Variants in FBXL20 observed in about 807,000 individuals in gnomAD.
The protein encoded by FBXL20 is F-box and leucine rich repeat protein 20, also known as F-box/LRR-repeat protein 20.
A neutral mutation model predicts 64.0 loss-of-function variants in FBXL20; 11 were observed. The ratio of observed to expected loss-of-function variants is 0.17; its 90% CI spans 0.11 to 0.28. The LOEUF is 0.28. Among genes scored for constraint, FBXL20 ranks in the 10% least tolerant of loss-of-function variants. The pLI, the probability that FBXL20 is intolerant of heterozygous loss-of-function variation, is 1.00. For synonymous variants in FBXL20, 184 were observed against 189.0 expected, an observed-to-expected ratio of 0.97 and a Z score of 0.22; for missense variants, 303 against 526.2, an observed-to-expected ratio of 0.58 and a Z score of 4.15.
intron 2 of FBXL20, among the ~76,000 whole-genome samples, chr17:39,324,023 C>CCA (rs2047384636): frequency 1.4e-5 from 2 of 139,026 alleles, no homozygotes; most frequent in African/African-American, 3.0e-5. Context: ...CTCCCCCCCC[C>CCA]ACCCCCTGGC....
chr17:39,308,029 T>A (rs2047198518), intron 2 of FBXL20, among the ~76,000 whole-genome samples: 1 of 150,804 alleles, frequency 6.6e-6, no homozygotes. Flanking sequence ...ATTTCAACTG[T>A]ATTCTAAGTC....
intron 1 of FBXL20, among the ~76,000 whole-genome samples, chr17:39,363,360 T>TAAACA (rs2047818805): frequency 1.3e-5 from 2 of 151,872 alleles, no homozygotes; most frequent in African/African-American, 4.8e-5. Context: ...CTCCCTATGT[T>TAAACA]GCCCAGGCTG....
chr17:39,273,952 C>T (rs1262285096), intron 10 of FBXL20, among the ~76,000 whole-genome samples: 1 of 152,042 alleles, frequency 6.6e-6, no homozygotes, highest in African/African-American at 2.4e-5. Context: ...TAGCTCACTG[C>T]TGTCTTGACC....
rs536760539 is a variant in FBXL20 at position 39,359,060 on chromosome 17, G to A, written c.43-15819C>T. On this transcript the variant is annotated intron_variant, in intron 1 of 14. Coordinates refer to ENST00000264658, the MANE Select transcript of FBXL20 (RefSeq NM_032875.3). ...TCTAAAACAAAAAATCTGGCAAGGC[G>A]CAGTGGCTCACGCCTATAATCCCAC... Among the ~76,000 whole-genome samples the A allele has an allele frequency of 1.2e-4, 18 of 152,308 alleles. No homozygotes were observed. In the East Asian group the frequency reaches 1.5e-3, roughly 13 times the overall value.
intron 1 of FBXL20, among the ~76,000 whole-genome samples, chr17:39,363,080 C>T (rs2047814987): frequency 6.6e-6 from 1 of 151,840 alleles, no homozygotes; most frequent in Non-Finnish European, 1.5e-5. Flanking sequence ...CAGCTCATCA[C>T]AACCTCCGCC....
At chr17:39,311,651 T>G (rs1043326490) in intron 2 of FBXL20, among the ~76,000 whole-genome samples, 5 of 152,232 alleles carry the variant, frequency 3.3e-5, no homozygotes, top group African/African-American at 1.2e-4. Context: ...AAAATTTATC[T>G]AATGTAACAA....
chr17:39,273,859 G>A (rs944996637), intron 10 of FBXL20, among the ~76,000 whole-genome samples: 10 of 150,366 alleles, frequency 6.7e-5, no homozygotes, highest in African/African-American at 1.9e-4. Flanking sequence ...CTTATATGGT[G>A]CTATGGAGAT....
At chr17:39,353,096 C>T (rs1272311321) in intron 1 of FBXL20, among the ~76,000 whole-genome samples, 1 of 152,048 alleles carries the variant, frequency 6.6e-6, no homozygotes, top group African/African-American at 2.4e-5. Context: ...AAGCAGAAAA[C>T]TAGAAAAGGT....
chr17:39,401,899 G>C (rs1387943823), upstream of FBXL20: 1 of 411,804 alleles, frequency 2.4e-6, no homozygotes, highest in Non-Finnish European at 4.0e-6. Context: ...GGAAGTGCCT[G>C]TGCGTGTGGA....
intron 2 of FBXL20, among the ~76,000 whole-genome samples, chr17:39,338,840 G>A (rs912480606): frequency 1.3e-5 from 2 of 152,014 alleles, no homozygotes; most frequent in African/African-American, 4.8e-5. Flanking sequence ...GCCAAATCGA[G>A]GATATTCTAT....
chr17:39,365,742 G>A (rs2047853602), intron 1 of FBXL20, among the ~76,000 whole-genome samples: 2 of 152,124 alleles, frequency 1.3e-5, no homozygotes, highest in Non-Finnish European at 2.9e-5. Context: ...AGGATTCCAT[G>A]AACTCTGAAG....
intron 6 of FBXL20, among the ~76,000 whole-genome samples, chr17:39,286,149 T>TC (rs2046986436): frequency 6.6e-6 from 1 of 152,176 alleles, no homozygotes. Context: ...ATGGAAAACT[T>TC]CAAATATAAA....
chr17:39,288,513 G>A (rs2047008733), intron 6 of FBXL20, among the ~76,000 whole-genome samples: 1 of 152,008 alleles, frequency 6.6e-6, no homozygotes, highest in Admixed American at 6.6e-5. Context: ...AGTCTTGCCA[G>A]AAACACCAGT....
chr17:39,325,591 AT>A, intron 2 of FBXL20, among the ~76,000 whole-genome samples: 1 of 152,166 alleles, frequency 6.6e-6, no homozygotes, highest in Admixed American at 6.6e-5. Flanking sequence ...CCCTCAGAAC[AT>A]TTAGAAAATG....
At position 39,264,231 on chromosome 17, in the gene FBXL20, G is replaced by A. The variant is rs1382043550; in HGVS notation, c.1147C>T (p.Arg383Trp). ...TGCTGGCAGTCATAGAGTTCTATCCGCTCAAGGCTATGACAGCTCTTCAAG... is the reference window on the plus strand; with the variant it reads ...TGCTGGCAGTCATAGAGTTCTATCCACTCAAGGCTATGACAGCTCTTCAAG... Reference protein sequence around the residue: ...EHLKSCHSLERIELYDCQQIT... With the variant: ...EHLKSCHSLEWIELYDCQQIT... The change falls in exon 14 of 15, where the codon CGG becomes TGG. Residue 383 changes from arginine to tryptophan, a missense_variant. Coordinates refer to ENST00000264658, the MANE Select transcript of FBXL20 (RefSeq NM_032875.3). The A allele has an allele frequency of 6.2e-7, 1 of 1,614,178 alleles. No homozygotes were observed. The highest frequency in any genetic ancestry group is 1.7e-5 in the Admixed American group (1 of 60,022).
intron 12 of FBXL20, 92 bp from the exon 13 acceptor site, chr17:39,265,545 G>A (rs1314824214): frequency 2.4e-5 from 23 of 951,732 alleles, no homozygotes; most frequent in Non-Finnish European, 3.3e-6. Context: ...TTGCTCTGTT[G>A]CCCAGGCTAG....
At chr17:39,385,234 C>T (rs1033657603) in intron 1 of FBXL20, among the ~76,000 whole-genome samples, 7 of 151,278 alleles carry the variant, frequency 4.6e-5, no homozygotes, top group African/African-American at 1.5e-4. Context: ...GAAACACACA[C>T]GCGCGTGCGT....
Position 39,326,752 on chromosome 17 carries a change from T to C in FBXL20, c.104+16428A>G, listed in dbSNP as rs542761547. Among the ~76,000 whole-genome samples, 21 of 151,970 alleles carry C rather than the reference T, an allele frequency of 1.4e-4. No homozygotes were observed. In the South Asian group the frequency reaches 4.4e-3, roughly 32 times the overall value. ...CTCTCGTCTCAACCTCCCAAGTAGT[T>C]AGGACTACAGGTGCACGCCACCACA... On this transcript the variant is annotated intron_variant, in intron 2 of 14. Transcript: ENST00000264658.
Position 39,335,334 on chromosome 17 carries a change from G to A in FBXL20, c.104+7846C>T, listed in dbSNP as rs545891951. On this transcript the variant is annotated intron_variant, in intron 2 of 14. Transcript: ENST00000264658. ...GTCCTTTGGATGTTAATCTGACTGG[G>A]TTGATGCACCTAAACAATTAAATAA... Among the ~76,000 whole-genome samples the A allele has an allele frequency of 3.3e-5, 5 of 151,940 alleles. No homozygotes were observed. In the East Asian group the frequency reaches 7.7e-4, roughly 23 times the overall value.
Sources: gnomAD v4.1 joint callset for allele counts (sites outside exome capture counted in the v4.1 genomes callset) on GRCh38, gnomAD v4.1.1 for gene constraint, MANE v1.5 for transcripts, NCBI Gene and HGNC (gene_info 2026-07-23, HGNC 2026-07-21) for gene names.